Variants in PADI3 observed in about 807,000 individuals in gnomAD.
PADI3 encodes the protein peptidyl arginine deiminase 3.
In PADI3, 53 loss-of-function variants were observed where a neutral mutation model predicts 71.5. That is an observed-to-expected ratio of 0.74 (90% CI 0.59 to 0.93). The LOEUF (loss-of-function observed/expected upper bound fraction) is 0.93. Among genes scored for constraint, PADI3 ranks in the 40% least tolerant of loss-of-function variants. The pLI, the probability that PADI3 is intolerant of heterozygous loss-of-function variation, is 0.00. For missense variants in PADI3, 821 were observed against 868.0 expected (o/e 0.95, Z 0.68); for synonymous variants, 361 against 347.5 (o/e 1.04, Z -0.43).
chr1:17,265,403 T>G (rs1473705863), intron 3 of PADI3, among the ~76,000 whole-genome samples: 2 of 151,916 alleles, frequency 1.3e-5, no homozygotes, highest in African/African-American at 2.4e-5. Context: ...CTGCAAGGGC[T>G]GCAGGGATGC....
At chr1:17,271,326 T>C (rs963352210) in intron 9 of PADI3, 148 bp downstream of exon 9, 92 of 665,732 alleles carry the variant, frequency 1.4e-4, no homozygotes, top group Middle Eastern at 4.1e-4. Flanking sequence ...TAGAGGCTTC[T>C]CTCCAGAACC....
chr1:17,262,401 T>A (rs1198280503), intron 3 of PADI3, among the ~76,000 whole-genome samples, 196 bp downstream of exon 3: 1 of 152,216 alleles, frequency 6.6e-6, no homozygotes, highest in Non-Finnish European at 1.5e-5. Context: ...CCCCCCTCTT[T>A]TGTAAGCAAA....
At chr1:17,268,808 C>A (rs1157644166) in intron 6 of PADI3, among the ~76,000 whole-genome samples, 1 of 151,008 alleles carries the variant, frequency 6.6e-6, no homozygotes, top group Non-Finnish European at 1.5e-5. Context: ...TGCCTGGCCG[C>A]TTATTTTTTA....
At chr1:17,269,129 C>T (rs2073211465) in intron 6 of PADI3, among the ~76,000 whole-genome samples, 1 of 152,004 alleles carries the variant, frequency 6.6e-6, no homozygotes, top group African/African-American at 2.4e-5. Flanking sequence ...AAGCAATCCA[C>T]CCGCTTTGGC....
chr1:17,266,577 C>T lies in PADI3; in HGVS notation c.409-142C>T, dbSNP rs1002985643. 24 of 704,234 alleles carry T rather than the reference C, an allele frequency of 3.4e-5. No individual in the cohort carries two copies. In the Admixed American group the frequency reaches 4.0e-4, roughly 12 times the overall value. The allele number at this position is 704,234 out of a possible 1,614,324, so 43.6% of individuals were successfully genotyped here. On this transcript the variant is annotated intron_variant, in intron 4 of 15. Coordinates refer to ENST00000375460, the MANE Select transcript of PADI3 (RefSeq NM_016233.2). ...GGCAACAGAGAGCCATTGCCATTGA[C>T]ATGTCTTGAGAAGGAGGTGCTTCGA...
chr1:17,277,635 G>A (rs2073352101), intron 13 of PADI3, among the ~76,000 whole-genome samples: 1 of 152,240 alleles, frequency 6.6e-6, no homozygotes, highest in African/African-American at 2.4e-5. Context: ...CTACTTCTGT[G>A]CTCCCTGGAG....
intron 11 of PADI3, among the ~76,000 whole-genome samples, chr1:17,276,101 G>A (rs2073326277): frequency 1.3e-5 from 2 of 152,068 alleles, no homozygotes; most frequent in African/African-American, 4.8e-5. Context: ...TTGTGAGGCT[G>A]AGGCGGGCAG....
chr1:17,258,095 A>C (rs2073050542), intron 1 of PADI3, among the ~76,000 whole-genome samples: 2 of 152,210 alleles, frequency 1.3e-5, no homozygotes, highest in African/African-American at 2.4e-5. Flanking sequence ...AATGGGAGAC[A>C]ATAATAGATA....
intron 6 of PADI3, among the ~76,000 whole-genome samples, chr1:17,268,561 A>G (rs1212743995): frequency 7.8e-5 from 10 of 128,004 alleles, no homozygotes; most frequent in Non-Finnish European, 1.5e-4. Flanking sequence ...AGGCTGGAGT[A>G]CAGTGGCGTG....
intron 1 of PADI3, among the ~76,000 whole-genome samples, chr1:17,255,465 C>T (rs945567131): frequency 2.0e-5 from 3 of 152,192 alleles, no homozygotes; most frequent in Non-Finnish European, 2.9e-5. Context: ...GCCTAGAAAG[C>T]CCAGAAGCCA....
chr1:17,250,492 C>T (rs535838833), intron 1 of PADI3, among the ~76,000 whole-genome samples: 5 of 152,164 alleles, frequency 3.3e-5, no homozygotes, highest in South Asian at 2.1e-4. Context: ...CGAACTTAGT[C>T]GGGAGCAGCG....
At position 17,276,810 on chromosome 1, in the gene PADI3, T is replaced by G; in HGVS notation, c.1489T>G (p.Phe497Val). ...GCTCCTGGCCAGCCCTGGGGCCTGC[T>G]TCAAGCTCTTCCAGGAAAAGCAGAA... Reference protein sequence around the residue: ...RMLLASPGACFKLFQEKQKCG... With the variant: ...RMLLASPGACVKLFQEKQKCG... Residue 497 changes from phenylalanine to valine, a missense_variant, in exon 13 of 16, where the codon TTC becomes GTC. Physicochemically the swap from Phe to Val is conservative, Grantham distance 50. Transcript: ENST00000375460. 6.2e-7 allele frequency: 1 copy of G among 1,613,716 alleles called. No homozygotes were observed. The highest frequency in any genetic ancestry group is 1.3e-5 in the African/African-American group (1 of 75,054).
Position 17,270,284 on chromosome 1 carries a change from T to G in PADI3, c.704T>G (p.Val235Gly), listed in dbSNP as rs1379553088. 6.2e-7 allele frequency: 1 copy of G among 1,613,798 alleles called. No individual in the cohort carries two copies. Among genetic ancestry groups the G allele is most frequent in the Non-Finnish European group, 8.5e-7 (1 of 1,179,930 alleles). ...AGGCATGTGCTGGGCCAAGATAAGG[T>G]GTCCTATGAGGTACCCCGCTTGCAT... is the stretch of plus-strand genomic sequence containing the variant. ...AYRHVLGQDK[V>G]SYEVPRLHGD... Residue 235 changes from valine to glycine, a missense_variant, in exon 7 of 16, where the codon GTG becomes GGG. Val to Gly is a moderately radical substitution (Grantham distance 109, BLOSUM62 -3). Transcript: ENST00000375460.
chr1:17,265,638 AC>A lies in PADI3; in HGVS notation c.347-18del, dbSNP rs1476336047. 6.2e-7 allele frequency: 1 copy of A among 1,612,630 alleles called. No homozygotes were observed. The highest frequency in any genetic ancestry group is 8.5e-7 in the Non-Finnish European group (1 of 1,178,704). ...GCTCCTGGGAACCTTGTAGTGACTTACCCTCTGCCTCCTCTTGCAGACATCT... is the reference window on the plus strand; with the variant it reads ...GCTCCTGGGAACCTTGTAGTGACTTACCTCTGCCTCCTCTTGCAGACATCT... On this transcript the variant is annotated intron_variant, in intron 3 of 15. Coordinates refer to ENST00000375460, the MANE Select transcript of PADI3 (RefSeq NM_016233.2).
At chr1:17,267,251 G>A (rs2073182359) in intron 5 of PADI3, among the ~76,000 whole-genome samples, 1 of 152,320 alleles carries the variant, frequency 6.6e-6, no homozygotes. Flanking sequence ...GACTGTGTCT[G>A]ATCTGGGGCC....
Position 17,264,465 on chromosome 1 carries a change from G to A in PADI3, c.347-1194G>A, listed in dbSNP as rs187290054. Among the ~76,000 whole-genome samples the A allele has an allele frequency of 9.3e-4, 142 of 152,048 alleles. 1 individual carries two copies. The highest frequency in any genetic ancestry group is 3.2e-3 in the African/African-American group (133 of 41,488). On this transcript the variant is annotated intron_variant, in intron 3 of 15. Coordinates refer to ENST00000375460, the MANE Select transcript of PADI3 (RefSeq NM_016233.2). ...AACCCCAAAGTCCCCCTCAATGTCC[G>A]TCTCTGATCATAACTCCCTCCTTCT...
chr1:17,277,192 CTT>C (rs139511864), intron 13 of PADI3, among the ~76,000 whole-genome samples: 7 of 146,844 alleles, frequency 4.8e-5, no homozygotes, highest in Admixed American at 3.4e-4. Flanking sequence ...TGAAATCTCC[CTT>C]TTTTTTTTTT....
At chr1:17,250,489 A>T (rs1457636264) in intron 1 of PADI3, among the ~76,000 whole-genome samples, 1 of 152,178 alleles carries the variant, frequency 6.6e-6, no homozygotes, top group African/African-American at 2.4e-5. Context: ...GGGCGAACTT[A>T]GTCGGGAGCA....
rs1055087598 is a variant in PADI3, at chr1:17,284,024, G to A, written c.*945G>A. On this transcript the variant is annotated 3_prime_UTR_variant, in exon 16 of 16. Transcript: ENST00000375460. ...GGCTCTCTGTTGGCCTTTGGTCAGCGTTTCCACATCCTGCTCTGCTGCAGG... is the reference window on the plus strand; with the variant it reads ...GGCTCTCTGTTGGCCTTTGGTCAGCATTTCCACATCCTGCTCTGCTGCAGG... 4.6e-5 allele frequency: 7 copies of A among 151,064 alleles called. No individual in the cohort carries two copies. The highest frequency in any genetic ancestry group is 3.9e-4 in the East Asian group (2 of 5,094). 9.4% of individuals were successfully genotyped at this position (151,064 alleles called of 1,614,324 possible).
Sources: gnomAD v4.1 joint callset for allele counts (sites outside exome capture counted in the v4.1 genomes callset) on GRCh38, gnomAD v4.1.1 for gene constraint, MANE v1.5 for transcripts, NCBI Gene and HGNC (gene_info 2026-07-23, HGNC 2026-07-21) for gene names.